Variants in SCFD2 observed in about 807,000 individuals in gnomAD.
The protein encoded by SCFD2 is sec1 family domain containing 2.
Under a neutral mutation model 58.9 loss-of-function variants are expected in SCFD2, and 54 were observed. The ratio of observed to expected loss-of-function variants is 0.92; its 90% confidence interval spans 0.74 to 1.15. The LOEUF (loss-of-function observed/expected upper bound fraction) is 1.15, where lower values mean the gene tolerates loss of function less well. Among genes scored for constraint, SCFD2 ranks in the 50% most tolerant of loss-of-function variants. SCFD2 has a pLI of 0.00. For synonymous variants in SCFD2, 321 were observed against 335.9 expected (o/e 0.96, Z 0.49); for missense variants, 805 against 836.6 (o/e 0.96, Z 0.47).
At chr4:53,323,484 C>T (rs551788425) in intron 2 of SCFD2, among the ~76,000 whole-genome samples, 9 of 151,658 alleles carry the variant, frequency 5.9e-5, no homozygotes, top group African/African-American at 2.2e-4. Context: ...GTGACCCTCC[C>T]ACCTGAGTAG....
intron 4 of SCFD2, among the ~76,000 whole-genome samples, chr4:53,172,638 T>C (rs567299631): frequency 6.6e-6 from 1 of 152,330 alleles, no homozygotes; most frequent in South Asian, 2.1e-4. Context: ...CTTCCACATA[T>C]TTGTAAATTT....
chr4:52,993,775 T>C (rs1721676570), intron 5 of SCFD2, among the ~76,000 whole-genome samples: 1 of 152,236 alleles, frequency 6.6e-6, no homozygotes, highest in African/African-American at 2.4e-5. Context: ...TGTAACTCTC[T>C]AGCACAGGTA....
chr4:53,256,528 C>T (rs964982014), intron 4 of SCFD2, among the ~76,000 whole-genome samples: 14 of 152,224 alleles, frequency 9.2e-5, no homozygotes, highest in African/African-American at 3.4e-4. Flanking sequence ...CCAAGGCAGG[C>T]GGCTGGGAGG....
chr4:52,883,815 C>A (rs1718673355), intron 8 of SCFD2, among the ~76,000 whole-genome samples: 1 of 152,140 alleles, frequency 6.6e-6, no homozygotes, highest in South Asian at 2.1e-4. Context: ...ACAGAATTTA[C>A]AAATTTATCA....
intron 4 of SCFD2, among the ~76,000 whole-genome samples, chr4:53,181,020 C>G (rs527376389): frequency 1.1e-3 from 161 of 152,184 alleles, no homozygotes; most frequent in South Asian, 6.2e-3. Flanking sequence ...TAATAGCTTA[C>G]CAGCCAAAAA....
rs770326285 is a variant in SCFD2, at chr4:52,885,840, G to T, written c.1869C>A (p.Tyr623Ter). Residue 623 changes from tyrosine (Y) to a stop codon, truncating the protein, a stop_gained, in exon 8 of 9, where the codon TAC becomes TAA. Transcript: ENST00000401642. LOFTEE classifies it high-confidence loss of function. ...MKVSRPHPSD[Y>*]PLLILFVVGG... ...CTACCACAAAGAGGATCAGGAGGGG[G>T]TAGTCACTAGGATGAGGCCGGCTCA... 8.7e-6 allele frequency: 14 copies of T among 1,613,982 alleles called. No homozygotes were observed. In the Admixed American group the frequency reaches 1.5e-4, roughly 17 times the overall value.
chr4:52,892,024 C>A (rs1489708058), intron 7 of SCFD2, among the ~76,000 whole-genome samples: 1 of 152,252 alleles, frequency 6.6e-6, no homozygotes, highest in Admixed American at 6.5e-5. Context: ...CTCACACATG[C>A]CAGTGTCCCC....
chr4:53,135,234 T>C (rs995976317), intron 5 of SCFD2, among the ~76,000 whole-genome samples: 2 of 152,300 alleles, frequency 1.3e-5, no homozygotes, highest in East Asian at 3.9e-4. Flanking sequence ...CTGTAATCAA[T>C]GCCTAAGGCG....
At chr4:52,990,337 C>T (rs75451476) in intron 5 of SCFD2, among the ~76,000 whole-genome samples, 303 of 152,290 alleles carry the variant, frequency 2.0e-3, no homozygotes, top group African/African-American at 6.9e-3. Context: ...AGTCTCATTC[C>T]ACTATTACAA....
chr4:53,149,535 A>G (rs557717835), intron 4 of SCFD2, among the ~76,000 whole-genome samples: 4 of 152,356 alleles, frequency 2.6e-5, no homozygotes, highest in East Asian at 3.9e-4. Flanking sequence ...CAAGTAACCT[A>G]TGTAGATACT....
intron 4 of SCFD2, among the ~76,000 whole-genome samples, chr4:53,183,000 C>G (rs1329736417): frequency 2.0e-5 from 3 of 152,126 alleles, no homozygotes; most frequent in African/African-American, 4.8e-5. Flanking sequence ...AGTCAGGAAA[C>G]AACAGGTGCT....
At chr4:52,937,025 G>A (rs1490220722) in intron 5 of SCFD2, among the ~76,000 whole-genome samples, 2 of 152,184 alleles carry the variant, frequency 1.3e-5, no homozygotes, top group Non-Finnish European at 2.9e-5. Flanking sequence ...ACATATACAT[G>A]TAAATAAATC....
intron 5 of SCFD2, among the ~76,000 whole-genome samples, chr4:53,031,632 G>A (rs1335042154): frequency 6.6e-6 from 1 of 152,108 alleles, no homozygotes; most frequent in Non-Finnish European, 1.5e-5. Context: ...AGAACTTCAT[G>A]AACCATACAC....
At position 53,352,591 on chromosome 4, in the gene SCFD2, A is replaced by G. The variant is rs1377836810; in HGVS notation, c.1007+7T>C. The G allele has an allele frequency of 1.2e-6, 2 of 1,608,286 alleles. No homozygotes were observed. The highest frequency in any genetic ancestry group is 2.7e-5 in the African/African-American group (2 of 74,836). On this transcript the variant is annotated splice_region_variant and intron_variant, in intron 2 of 8. Coordinates refer to ENST00000401642, the MANE Select transcript of SCFD2 (RefSeq NM_152540.4). ...AAAGATAAGATGACAAAAACTATAT[A>G]TCTTACCTGGATTGTGAAAGACAGC...
intron 5 of SCFD2, among the ~76,000 whole-genome samples, chr4:53,006,102 C>T (rs1457065540): frequency 1.3e-5 from 2 of 152,212 alleles, no homozygotes; most frequent in Non-Finnish European, 2.9e-5. Flanking sequence ...GCATGTCATG[C>T]ATCCCTTTGT....
intron 4 of SCFD2, among the ~76,000 whole-genome samples, chr4:53,196,084 G>A (rs951505458): frequency 1.3e-5 from 2 of 152,084 alleles, no homozygotes; most frequent in Non-Finnish European, 2.9e-5. Context: ...GACAGAAACT[G>A]ATGTCCAGAT....
chr4:53,295,762 T>G (rs1170962317), intron 3 of SCFD2, among the ~76,000 whole-genome samples: 1 of 152,220 alleles, frequency 6.6e-6, no homozygotes, highest in African/African-American at 2.4e-5. Context: ...ATTATGATAT[T>G]GGCTGTGGGT....
intron 6 of SCFD2, among the ~76,000 whole-genome samples, chr4:52,909,584 G>C (rs1380416069): frequency 1.3e-5 from 2 of 152,180 alleles, no homozygotes; most frequent in Admixed American, 1.3e-4. Context: ...AGGGAGAAAG[G>C]TGAGAGGAAG....
At chr4:53,167,761 A>AC (rs763488988) in intron 4 of SCFD2, among the ~76,000 whole-genome samples, 60 of 81,644 alleles carry the variant, frequency 7.3e-4, no homozygotes, top group Admixed American at 1.7e-3. Flanking sequence ...AGGAAAGAGG[A>AC]GAGTTCTTTC....
Sources: gnomAD v4.1 joint callset for allele counts (sites outside exome capture counted in the v4.1 genomes callset) on GRCh38, gnomAD v4.1.1 for gene constraint, MANE v1.5 for transcripts, NCBI Gene and HGNC (gene_info 2026-07-23, HGNC 2026-07-21) for gene names.